KCNQ3: variants seen among roughly 807,000 people sequenced by gnomAD.
KCNQ3 encodes the protein potassium voltage-gated channel subfamily KQT member 3.
KCNQ3 carries 30 observed loss-of-function variants against 92.5 expected under a neutral mutation model. That is an observed-to-expected ratio of 0.32 (90% CI 0.24 to 0.44). The LOEUF (loss-of-function observed/expected upper bound fraction) is 0.44. KCNQ3 is among the 20% of genes least tolerant of loss of function. The pLI is 1.00. For missense variants in KCNQ3, 913 were observed against 1,140.3 expected (o/e 0.80, Z 2.87); for synonymous variants, 450 against 468.8 (o/e 0.96, Z 0.52).
intron 10 of KCNQ3, chr8:132,140,915 C>G (rs1586763660): frequency 3.4e-6 from 2 of 581,690 alleles, no homozygotes; most frequent in Non-Finnish European, 6.1e-6. Context: ...AACTTGGGAG[C>G]CTGCAGCCCT....
At chr8:132,427,535 A>G (rs1821142339) in intron 1 of KCNQ3, among the ~76,000 whole-genome samples, 1 of 152,298 alleles carries the variant, frequency 6.6e-6, no homozygotes, top group African/African-American at 2.4e-5. Flanking sequence ...TCTGACCCCA[A>G]AGAAAGTCTC....
chr8:132,327,565 G>C (rs1273888643), intron 1 of KCNQ3, among the ~76,000 whole-genome samples: 2 of 152,116 alleles, frequency 1.3e-5, no homozygotes, highest in Non-Finnish European at 2.9e-5. Flanking sequence ...TCTGCATAGG[G>C]GAAGGAATCT....
chr8:132,141,108 A>T, intron 10 of KCNQ3, 21 bp downstream of exon 10: 1 of 1,607,844 alleles, frequency 6.2e-7, no homozygotes, highest in Non-Finnish European at 8.5e-7. Context: ...AGAGACAGGG[A>T]GGGAGATAAA....
At chr8:132,447,318 T>A (rs2130845901) in intron 1 of KCNQ3, 1 of 1,398,116 alleles carries the variant, frequency 7.2e-7, no homozygotes, top group South Asian at 1.2e-5. Flanking sequence ...CAGACAAGGG[T>A]CAAGATAAAG....
intron 1 of KCNQ3, among the ~76,000 whole-genome samples, chr8:132,381,550 A>G (rs530102936): frequency 1.3e-5 from 2 of 152,358 alleles, no homozygotes; most frequent in South Asian, 4.1e-4. Context: ...ACTTTCCCCA[A>G]GAGAAAAATT....
intron 1 of KCNQ3, among the ~76,000 whole-genome samples, chr8:132,453,531 C>T (rs1451753320): frequency 2.6e-5 from 4 of 152,144 alleles, no homozygotes; most frequent in Non-Finnish European, 5.9e-5. Flanking sequence ...ACCGAGGGGC[C>T]TGCACTGGCC....
At chr8:132,442,171 C>T (rs1314704685) in intron 1 of KCNQ3, among the ~76,000 whole-genome samples, 3 of 152,014 alleles carry the variant, frequency 2.0e-5, no homozygotes, top group African/African-American at 4.8e-5. Flanking sequence ...ACAACAAACC[C>T]CCATGACACA....
chr8:132,355,776 C>A (rs1352140948), intron 1 of KCNQ3, among the ~76,000 whole-genome samples: 1 of 152,186 alleles, frequency 6.6e-6, no homozygotes, highest in Non-Finnish European at 1.5e-5. Context: ...TCGGAAAACA[C>A]AGACTTTATC....
intron 9 of KCNQ3, among the ~76,000 whole-genome samples, chr8:132,147,094 G>A (rs2469612): frequency 0.54 from 81,608 of 152,048 alleles, 22,240 homozygotes; most frequent in African/African-American, 0.6. Context: ...AAAAACAACA[G>A]AGAGAGACTG....
intron 7 of KCNQ3, among the ~76,000 whole-genome samples, chr8:132,172,175 C>CA (rs984039811): frequency 9.9e-5 from 15 of 150,852 alleles, no homozygotes; most frequent in Admixed American, 2.6e-4. Flanking sequence ...AAGAGAGTCT[C>CA]AAAAAAAACT....
chr8:132,407,475 T>G (rs1166019085), intron 1 of KCNQ3, among the ~76,000 whole-genome samples: 1 of 152,220 alleles, frequency 6.6e-6, no homozygotes, highest in Non-Finnish European at 1.5e-5. Flanking sequence ...TAGCACTTCC[T>G]GCATCTAAGA....
chr8:132,408,624 C>T (rs774711206), intron 1 of KCNQ3, among the ~76,000 whole-genome samples: 7 of 152,074 alleles, frequency 4.6e-5, no homozygotes, highest in Non-Finnish European at 1.0e-4. Context: ...AAGGATTTTG[C>T]AAATGTAGTT....
At chr8:132,413,214 A>G (rs994911424) in intron 1 of KCNQ3, among the ~76,000 whole-genome samples, 2 of 152,322 alleles carry the variant, frequency 1.3e-5, no homozygotes, top group Non-Finnish European at 1.5e-5. Flanking sequence ...AGTGGCTCCC[A>G]CTGGATCATG....
At chr8:132,150,553 T>C (rs899036655) in intron 9 of KCNQ3, among the ~76,000 whole-genome samples, 1 of 152,212 alleles carries the variant, frequency 6.6e-6, no homozygotes, top group Non-Finnish European at 1.5e-5. Context: ...TAAAAGTGGA[T>C]TATCCAAGTT....
chr8:132,277,489 T>G (rs1240527437), intron 1 of KCNQ3, among the ~76,000 whole-genome samples: 2 of 152,176 alleles, frequency 1.3e-5, no homozygotes, highest in Non-Finnish European at 2.9e-5. Context: ...GAGAAGGAAC[T>G]GCAAGGATGC....
intron 1 of KCNQ3, among the ~76,000 whole-genome samples, chr8:132,266,736 C>A (rs1426679112): frequency 2.0e-5 from 3 of 152,180 alleles, no homozygotes; most frequent in African/African-American, 7.2e-5. Flanking sequence ...CCACTCCAGA[C>A]TTTCTGATTC....
At chr8:132,270,766 A>T (rs1363113995) in intron 1 of KCNQ3, among the ~76,000 whole-genome samples, 1 of 152,248 alleles carries the variant, frequency 6.6e-6, no homozygotes, top group African/African-American at 2.4e-5. Flanking sequence ...ATATTTCTTT[A>T]CAGAAACAAT....
At chr8:132,266,003 G>T (rs1395111026) in intron 1 of KCNQ3, among the ~76,000 whole-genome samples, 1 of 152,170 alleles carries the variant, frequency 6.6e-6, no homozygotes, top group Non-Finnish European at 1.5e-5. Context: ...CTATCACATA[G>T]CAGCTGTGAA....
Position 132,122,346 on chromosome 8 carries a change from T to C in KCNQ3, c.*6916A>G, listed in dbSNP as rs1824502503. 1.3e-5 allele frequency: 2 copies of C among 152,164 alleles called. No homozygotes were observed. The highest frequency in any genetic ancestry group is 4.1e-4 in the South Asian group (2 of 4,826). The allele number at this position is 152,164 out of a possible 1,614,324, so 9.4% of individuals were successfully genotyped here. ...TCTCTCCCCTTCCCTGACCTCACTT[T>C]TGTGGGCAGAGGAAGAGAAGGGAAC... On this transcript the variant is annotated 3_prime_UTR_variant, in exon 15 of 15. Transcript: ENST00000388996.
Sources: gnomAD v4.1 joint callset for allele counts (sites outside exome capture counted in the v4.1 genomes callset) on GRCh38, gnomAD v4.1.1 for gene constraint, MANE v1.5 for transcripts, NCBI Gene and HGNC (gene_info 2026-07-23, HGNC 2026-07-21) for gene names.